The following TEAD1 variants were observed in gnomAD, a reference collection of about 807,000 sequenced individuals.
TEAD1 encodes TEA domain transcription factor 1.
TEAD1 carries 9 observed loss-of-function variants against 54.9 expected under a neutral mutation model. The ratio of observed to expected loss-of-function variants is 0.16; its 90% confidence interval spans 0.10 to 0.29. TEAD1 has a LOEUF of 0.29. Ranked by LOEUF, TEAD1 falls within the 10% of genes least tolerant of loss-of-function variation. TEAD1 has a pLI of 1.00. For missense variants in TEAD1, 387 were observed against 535.9 expected (o/e 0.72, Z 2.74); for synonymous variants, 200 against 187.8 (o/e 1.07, Z -0.53).
At chr11:12,912,991 AC>A (rs1276416420) in intron 10 of TEAD1, among the ~76,000 whole-genome samples, 2 of 152,112 alleles carry the variant, frequency 1.3e-5, no homozygotes, top group Non-Finnish European at 2.9e-5. Flanking sequence ...CCACGATCCC[AC>A]CTGAGCTGCT....
chr11:12,835,339 A>AGGTT (rs1011511189), intron 3 of TEAD1, among the ~76,000 whole-genome samples: 28 of 151,992 alleles, frequency 1.8e-4, no homozygotes, highest in African/African-American at 5.8e-4. Flanking sequence ...TTTGGCTCTG[A>AGGTT]GGTTGGTTGG....
At chr11:12,819,532 C>G (rs1284138642) in intron 3 of TEAD1, among the ~76,000 whole-genome samples, 1 of 152,104 alleles carries the variant, frequency 6.6e-6, no homozygotes, top group Non-Finnish European at 1.5e-5. Flanking sequence ...TCACTGCAAG[C>G]TCCGTCTCCA....
At chr11:12,905,713 A>G (rs138450233) in intron 10 of TEAD1, among the ~76,000 whole-genome samples, 6 of 152,270 alleles carry the variant, frequency 3.9e-5, no homozygotes, top group African/African-American at 1.4e-4. Context: ...TTTTGTTACA[A>G]CAGAGACTCT....
At chr11:12,829,158 A>G (rs1235877780) in intron 3 of TEAD1, among the ~76,000 whole-genome samples, 3 of 152,144 alleles carry the variant, frequency 2.0e-5, no homozygotes, top group Admixed American at 6.5e-5. Context: ...AGCAGGCAGG[A>G]TTTTTATCCA....
chr11:12,690,700 T>A (rs1590055392), intron 2 of TEAD1, among the ~76,000 whole-genome samples: 1 of 152,234 alleles, frequency 6.6e-6, no homozygotes, highest in East Asian at 1.9e-4. Flanking sequence ...TGATTGATGA[T>A]CTCTGCCTGT....
chr11:12,815,669 G>A (rs1240541284), intron 3 of TEAD1, among the ~76,000 whole-genome samples: 3 of 152,188 alleles, frequency 2.0e-5, no homozygotes, highest in Non-Finnish European at 2.9e-5. Context: ...TTGTAATCTG[G>A]GCAGAAGTAT....
chr11:12,740,488 A>G (rs985215310), intron 2 of TEAD1, among the ~76,000 whole-genome samples: 2 of 152,236 alleles, frequency 1.3e-5, no homozygotes, highest in Non-Finnish European at 2.9e-5. Flanking sequence ...TCATAGTGCT[A>G]TGAAGACATA....
chr11:12,729,278 CTG>C (rs1215229468), intron 2 of TEAD1, among the ~76,000 whole-genome samples: 1 of 152,174 alleles, frequency 6.6e-6, no homozygotes, highest in Non-Finnish European at 1.5e-5. Context: ...TGAGGGTAGT[CTG>C]TGCAACAGCA....
intron 3 of TEAD1, among the ~76,000 whole-genome samples, chr11:12,816,045 C>T (rs888595662): frequency 9.2e-5 from 14 of 152,330 alleles, no homozygotes; most frequent in Admixed American, 9.1e-4. Context: ...CTAGACAGGG[C>T]CTCTGTTAAG....
intron 2 of TEAD1, among the ~76,000 whole-genome samples, chr11:12,703,916 T>C (rs1943758762): frequency 6.6e-6 from 1 of 152,196 alleles, no homozygotes; most frequent in African/African-American, 2.4e-5. Context: ...TGGGGTAGTG[T>C]AAATTTGCAC....
intron 10 of TEAD1, among the ~76,000 whole-genome samples, chr11:12,902,570 G>T (rs1948444218): frequency 6.6e-6 from 1 of 152,220 alleles, no homozygotes. Context: ...GCACTAGTCA[G>T]CCTTGGGCCA....
chr11:12,930,135 C>A, intron 11 of TEAD1, 39 bp from the exon 12 acceptor site: 1 of 1,613,682 alleles, frequency 6.2e-7, no homozygotes, highest in Admixed American at 1.7e-5. Flanking sequence ...GTTTTGGAGT[C>A]AAAAGTGTAA....
chr11:12,886,749 G>A (rs1948095446), intron 9 of TEAD1, among the ~76,000 whole-genome samples: 1 of 151,902 alleles, frequency 6.6e-6, no homozygotes, highest in Non-Finnish European at 1.5e-5. Context: ...TCATGTCTCA[G>A]GCTCCTGAGT....
At chr11:12,886,003 G>A (rs1948080274) in intron 9 of TEAD1, among the ~76,000 whole-genome samples, 2 of 152,232 alleles carry the variant, frequency 1.3e-5, no homozygotes, top group South Asian at 4.1e-4. Flanking sequence ...TCATTGCAAA[G>A]TGCTGTGACT....
chr11:12,815,986 A>G (rs947726842), intron 3 of TEAD1, among the ~76,000 whole-genome samples: 39 of 152,222 alleles, frequency 2.6e-4, no homozygotes, highest in African/African-American at 8.7e-4. Context: ...TGATATGCCC[A>G]GGACTGAGGT....
chr11:12,837,901 C>T (rs1263176765), intron 3 of TEAD1, among the ~76,000 whole-genome samples: 4 of 150,454 alleles, frequency 2.7e-5, no homozygotes, highest in Non-Finnish European at 4.4e-5. Flanking sequence ...CTCCAGAGTT[C>T]AAGCGATTCT....
At chr11:12,676,087 C>T (rs1943081279) in intron 2 of TEAD1, among the ~76,000 whole-genome samples, 1 of 152,216 alleles carries the variant, frequency 6.6e-6, no homozygotes. Context: ...TGTTTAAAAA[C>T]AGTGCGTTGG....
intron 5 of TEAD1, among the ~76,000 whole-genome samples, chr11:12,868,764 C>CT (rs557046133): frequency 9.0e-4 from 137 of 152,258 alleles, no homozygotes; most frequent in Non-Finnish European, 1.1e-3. Context: ...CATTGAGAAC[C>CT]TAAGTGTGTT....
rs1411736629 is a variant in TEAD1, at chr11:12,943,978, CCT to C, written c.*6757_*6758del. The stretch of plus-strand genomic sequence containing the variant: ...AAATTTGTAACATTTAAAAAAGAAA[CCT>C]GAATAGCCTTTAATTCTTTAATAAT... On this transcript the variant is annotated 3_prime_UTR_variant, in exon 13 of 13. Coordinates refer to ENST00000527636, the MANE Select transcript of TEAD1 (RefSeq NM_021961.6). 6.6e-6 allele frequency: 1 copy of C among 152,138 alleles called. No homozygotes were observed. The highest frequency in any genetic ancestry group is 2.4e-5 in the African/African-American group (1 of 41,226). The allele number at this position is 152,138 out of a possible 1,614,324, so 9.4% of individuals were successfully genotyped here. A position where few individuals can be genotyped will look rare whatever the true frequency, so the allele number is the denominator to read the frequency against.
Sources: gnomAD v4.1 joint callset for allele counts (sites outside exome capture counted in the v4.1 genomes callset) on GRCh38, gnomAD v4.1.1 for gene constraint, MANE v1.5 for transcripts, NCBI Gene and HGNC (gene_info 2026-07-23, HGNC 2026-07-21) for gene names.